PRKN: variants seen among roughly 807,000 people sequenced by gnomAD.
The protein encoded by PRKN is E3 ubiquitin-protein ligase parkin.
In PRKN, 56 loss-of-function variants were observed where a neutral mutation model predicts 59.5. The ratio of observed to expected loss-of-function variants is 0.94; its 90% CI spans 0.76 to 1.18. The LOEUF (loss-of-function observed/expected upper bound fraction) is 1.18, where lower values mean the gene tolerates loss of function less well. Ranked by LOEUF, PRKN falls within the 50% of genes most tolerant of loss-of-function variation. PRKN has a pLI of 0.00. For missense variants in PRKN, 657 were observed against 596.4 expected, an observed-to-expected ratio of 1.10 and a Z score of -1.06; for synonymous variants, 250 against 222.1, an observed-to-expected ratio of 1.13 and a Z score of -1.12.
At chr6:162,651,000 G>A (rs1187270517) in intron 1 of PRKN, among the ~76,000 whole-genome samples, 1 of 152,162 alleles carries the variant, frequency 6.6e-6, no homozygotes, top group Non-Finnish European at 1.5e-5. Flanking sequence ...AAGATCTAAG[G>A]AGAGGAAAGA....
rs1241427385 is a variant in PRKN, at chr6:161,401,834, A to G, written c.1084-14957T>C. Among the ~76,000 whole-genome samples the G allele has an allele frequency of 6.6e-6, 1 of 152,148 alleles. No individual in the cohort carries two copies. The highest frequency in any genetic ancestry group is 1.5e-5 in the Non-Finnish European group (1 of 68,036). ...CCCAGAACCTCTGCCCTAAATGATT[A>G]TTCATGAATGTTCTGGCTCAAAGGA... On this transcript the variant is annotated intron_variant, in intron 9 of 11. Coordinates refer to ENST00000366898, the MANE Select transcript of PRKN (RefSeq NM_004562.3). The surrounding 1 kb of genome is among the most constrained non-coding windows in gnomAD (Gnocchi z 4.4).
chr6:161,704,583 C>T (rs1290819453), intron 7 of PRKN, among the ~76,000 whole-genome samples: 1 of 152,108 alleles, frequency 6.6e-6, no homozygotes, highest in Admixed American at 6.5e-5. Flanking sequence ...TACAAACTGT[C>T]AAATATAAGC....
rs544262401 is a variant in PRKN at position 162,179,594 on chromosome 6, T to C, written c.534+21537A>G. 2.6e-5 allele frequency among the ~76,000 whole-genome samples: 4 copies of C among 152,214 alleles called. No homozygotes were observed. The East Asian group carries it at 7.8e-4, about 30-fold the overall frequency. ...GCATGAGGGGACTTTCTGGAAAAGG[T>C]CTAAAAGTCTGTCTAGAGGAGCGTA... On this transcript the variant is annotated intron_variant, in intron 4 of 11. Transcript: ENST00000366898.
At chr6:162,445,912 T>C (rs1790296518) in intron 1 of PRKN, among the ~76,000 whole-genome samples, 1 of 151,802 alleles carries the variant, frequency 6.6e-6, no homozygotes, top group Admixed American at 6.6e-5. Context: ...GACACTCCAG[T>C]GAGGGCAGGT....
chr6:162,192,619 AT>A (rs10625449), intron 4 of PRKN, among the ~76,000 whole-genome samples: 2,160 of 147,840 alleles, frequency 0.015, 49 homozygotes, highest in African/African-American at 0.047. Context: ...CGCCCAGCTA[AT>A]TTTTTTTTTT....
At chr6:162,637,203 G>C (rs1264220045) in intron 1 of PRKN, among the ~76,000 whole-genome samples, 1 of 151,916 alleles carries the variant, frequency 6.6e-6, no homozygotes, top group African/African-American at 2.4e-5. Flanking sequence ...GTTGCAGTGG[G>C]CCGAGATCAC....
At chr6:162,077,644 A>G (rs9456740) in intron 4 of PRKN, among the ~76,000 whole-genome samples, 45,992 of 151,888 alleles carry the variant, frequency 0.3, 7,799 homozygotes, top group East Asian at 0.62. Flanking sequence ...TTTTTAACAA[A>G]AATGAAAAAT....
Position 161,593,953 on chromosome 6 carries a change from C to T in PRKN, c.872-24537G>A, listed in dbSNP as rs1396230086. Among the ~76,000 whole-genome samples, 1 of 151,210 alleles carries T rather than the reference C, an allele frequency of 6.6e-6. No individual in the cohort carries two copies. Among genetic ancestry groups the T allele is most frequent in the Non-Finnish European group, 1.5e-5 (1 of 67,872 alleles). ...GATCACGAGGTCAGGAGTTTGAGAC[C>T]AGCCTGGCCAACATAGTGAAACCCC... is the stretch of plus-strand genomic sequence containing the variant. On this transcript the variant is annotated intron_variant, in intron 7 of 11. Coordinates refer to ENST00000366898, the MANE Select transcript of PRKN (RefSeq NM_004562.3). This position sits in a 1 kb window ranked among gnomAD's most constrained non-coding sequence, Gnocchi z 4.8.
intron 1 of PRKN, among the ~76,000 whole-genome samples, chr6:162,515,141 G>T: frequency 6.7e-6 from 1 of 149,130 alleles, no homozygotes; most frequent in Admixed American, 6.7e-5. Context: ...GGAGTGCAAT[G>T]GTGTAATCTC....
chr6:162,211,425 A>T (rs1473283597), intron 3 of PRKN, among the ~76,000 whole-genome samples: 1 of 152,218 alleles, frequency 6.6e-6, no homozygotes, highest in Non-Finnish European at 1.5e-5. Context: ...ATGTTATCCC[A>T]AGAAATGGAA....
chr6:162,309,703 A>C (rs887982382), intron 2 of PRKN, among the ~76,000 whole-genome samples: 1 of 152,032 alleles, frequency 6.6e-6, no homozygotes, highest in East Asian at 1.9e-4. Context: ...GTTAGATTAG[A>C]TTTTTTTTAA....
intron 1 of PRKN, among the ~76,000 whole-genome samples, chr6:162,727,441 G>A (rs925492819): frequency 1.3e-5 from 2 of 152,060 alleles, no homozygotes; most frequent in Admixed American, 1.3e-4. Context: ...AACGCTCAGA[G>A]CAGGGGCGGG....
chr6:162,163,476 T>G (rs1409055447), intron 4 of PRKN, among the ~76,000 whole-genome samples: 1 of 149,254 alleles, frequency 6.7e-6, no homozygotes, highest in African/African-American at 2.5e-5. Context: ...GAAAAAAGAT[T>G]ATAATGTGTG....
rs570795574 is a variant in PRKN at position 162,065,816 on chromosome 6, C to T, written c.535-11642G>A. 5.3e-5 allele frequency among the ~76,000 whole-genome samples: 8 copies of T among 152,150 alleles called. No individual in the cohort carries two copies. In the East Asian group the frequency reaches 5.8e-4, roughly 11 times the overall value. ...ATTCCCACCTATGAGTGAGAACACG[C>T]GGTGTTTGATTTTCTGTCCTTGTGA... On this transcript the variant is annotated intron_variant, in intron 4 of 11. Coordinates refer to ENST00000366898, the MANE Select transcript of PRKN (RefSeq NM_004562.3).
intron 1 of PRKN, among the ~76,000 whole-genome samples, chr6:162,556,342 G>GGGGGGTGTGT (rs1175202893): frequency 4.9e-4 from 28 of 57,306 alleles, no homozygotes; most frequent in South Asian, 9.9e-4. Flanking sequence ...CTACTCAGCT[G>GGGGGGTGTGT]GTGTGTGTGT....
chr6:161,563,147 C>T lies in PRKN; in HGVS notation c.933+6208G>A, dbSNP rs146439870. Among the ~76,000 whole-genome samples the T allele has an allele frequency of 3.0e-3, 459 of 152,190 alleles. 4 individuals carry two copies. The highest frequency in any genetic ancestry group is 9.1e-3 in the African/African-American group (380 of 41,536). ...CCTTCAATAGCTGGTGTCCCCTCAA[C>T]GCTTAGTCTCAGGGCTCCTCAACTA... On this transcript the variant is annotated intron_variant, in intron 8 of 11. Coordinates refer to ENST00000366898, the MANE Select transcript of PRKN (RefSeq NM_004562.3).
intron 4 of PRKN, among the ~76,000 whole-genome samples, chr6:162,142,078 T>G (rs1781810158): frequency 6.6e-6 from 1 of 152,178 alleles, no homozygotes; most frequent in Admixed American, 6.5e-5. Flanking sequence ...CTTAAAAGAT[T>G]TTAGTTCACA....
In PRKN at chr6:161,467,715, C is replaced by T. The variant is rs187832384; in HGVS notation, c.1084-80838G>A. Among the ~76,000 whole-genome samples the T allele has an allele frequency of 2.3e-3, 345 of 152,250 alleles. No individual in the cohort carries two copies. The highest frequency in any genetic ancestry group is 6.8e-3 in the Middle Eastern group (2 of 294). On this transcript the variant is annotated intron_variant, in intron 9 of 11. Coordinates refer to ENST00000366898, the MANE Select transcript of PRKN (RefSeq NM_004562.3). This position sits in a 1 kb window ranked among gnomAD's most constrained non-coding sequence, Gnocchi z 4.3. ...CAATATTCATGTTCCTCTTCTTCCTCAGTAACAGAACACCAACTATGTGCC... is the reference window on the plus strand; with the variant it reads ...CAATATTCATGTTCCTCTTCTTCCTTAGTAACAGAACACCAACTATGTGCC...
Position 161,785,777 on chromosome 6 carries a change from C to A in PRKN, c.866G>T (p.Cys289Phe). 6.2e-7 allele frequency: 1 copy of A among 1,613,962 alleles called. No individual in the cohort carries two copies. The highest frequency in any genetic ancestry group is 8.5e-7 in the Non-Finnish European group (1 of 1,179,912). ...AGAAAACATGCTAGACTTACCCACA[C>A]AAGGCAGGGAGTAGCCAAGTTGAGG... Reference protein sequence around the residue: ...HDPQLGYSLPCVAGCPNSLIK... With the variant: ...HDPQLGYSLPFVAGCPNSLIK... Residue 289 changes from cysteine to phenylalanine, a missense_variant, in exon 7 of 12, where the codon TGT becomes TTT. Cys to Phe is a radical substitution (Grantham distance 205). Transcript: ENST00000366898.
Sources: gnomAD v4.1 joint callset for allele counts (sites outside exome capture counted in the v4.1 genomes callset) on GRCh38, gnomAD v4.1.1 for gene constraint, Gnocchi (gnomAD v3.1) non-coding constraint, MANE v1.5 for transcripts, NCBI Gene and HGNC (gene_info 2026-07-23, HGNC 2026-07-21) for gene names.